ANKFN1: variants seen among roughly 807,000 people sequenced by gnomAD.
ANKFN1 encodes ankyrin repeat and fibronectin type III domain containing 1, also known as ankyrin repeat and fibronectin type-III domain-containing protein 1.
ANKFN1 carries 74 observed loss-of-function variants against 108.7 expected under a neutral mutation model. The observed-to-expected ratio is 0.68, with a 90% CI of 0.56 to 0.83. ANKFN1 has a LOEUF of 0.83. Ranked by LOEUF, ANKFN1 falls within the 40% of genes least tolerant of loss-of-function variation. ANKFN1 has a pLI of 0.00. For synonymous variants in ANKFN1, 547 were observed against 516.2 expected (o/e 1.06, Z -0.81); for missense variants, 1,505 against 1,382.3 (o/e 1.09, Z -1.41).
At chr17:56,381,229 T>C (rs935079195) in intron 8 of ANKFN1, among the ~76,000 whole-genome samples, 11 of 152,220 alleles carry the variant, frequency 7.2e-5, no homozygotes, top group Admixed American at 6.5e-5. Flanking sequence ...CTGAGGGTCC[T>C]GTCTGTTAGA....
At chr17:56,260,139 A>G (rs1463296320) in intron 3 of ANKFN1, among the ~76,000 whole-genome samples, 1 of 152,232 alleles carries the variant, frequency 6.6e-6, no homozygotes, top group Non-Finnish European at 1.5e-5. Flanking sequence ...TTTGGAGGAT[A>G]TTCAGCTTTC....
chr17:56,196,218 T>C (rs1913492874), intron 1 of ANKFN1, among the ~76,000 whole-genome samples: 1 of 152,170 alleles, frequency 6.6e-6, no homozygotes, highest in Non-Finnish European at 1.5e-5. Context: ...ATTGCACCAC[T>C]GTGCTCCAGC....
Position 56,144,183 on chromosome 17 carries a change from A to ACC in ANKFN1, c.289-83734_289-83733insCC, listed in dbSNP as rs60975832. Among the ~76,000 whole-genome samples the ACC allele has an allele frequency of 5.2e-5, 6 of 116,298 alleles. 2 individuals are homozygous for ACC. The South Asian group carries it at 9.1e-4, about 18-fold the overall frequency. The allele number at this position is 116,298 out of a possible 152,430, so 76.3% of individuals were successfully genotyped here. On this transcript the variant is annotated intron_variant, in intron 4 of 12. Coordinates refer to the ANKFN1 transcript ENST00000635860. ...AAAAAAAAAAAAAAAAAAAAAAAAAAAACAGCCCAAACCAAATGAATGCAG... is the reference window on the plus strand; with the variant it reads ...AAAAAAAAAAAAAAAAAAAAAAAAAACCAACAGCCCAAACCAAATGAATGCAG...
At chr17:56,368,156 C>A (rs2046708656) in intron 6 of ANKFN1, 2 of 1,354,812 alleles carry the variant, frequency 1.5e-6, no homozygotes, top group Non-Finnish European at 2.0e-6. Flanking sequence ...ACACCACTGA[C>A]TGATCCAGAG....
At chr17:56,268,665 A>G (rs968475123) in intron 3 of ANKFN1, among the ~76,000 whole-genome samples, 4 of 152,174 alleles carry the variant, frequency 2.6e-5, no homozygotes, top group African/African-American at 7.2e-5. Flanking sequence ...AAGAATAAAT[A>G]AGATTGATAA....
chr17:56,184,134 TCTG>T (rs1210851764), intron 1 of ANKFN1, among the ~76,000 whole-genome samples: 10 of 152,176 alleles, frequency 6.6e-5, no homozygotes, highest in Non-Finnish European at 1.5e-4. Context: ...TGAAAGAAGT[TCTG>T]CTGTGGGTAA....
intron 3 of ANKFN1, among the ~76,000 whole-genome samples, chr17:56,240,372 A>C (rs533167391): frequency 1.3e-5 from 2 of 152,034 alleles, no homozygotes; most frequent in Non-Finnish European, 2.9e-5. Flanking sequence ...TGTGGGTATG[A>C]TTTGCTATTT....
intron 1 of ANKFN1, among the ~76,000 whole-genome samples, chr17:56,173,079 G>A (rs1156914624): frequency 6.6e-6 from 1 of 152,184 alleles, no homozygotes; most frequent in Non-Finnish European, 1.5e-5. Flanking sequence ...CTGACCCTAA[G>A]TAAAATTTGT....
intron 15 of ANKFN1, among the ~76,000 whole-genome samples, chr17:56,476,026 G>A (rs2050486468): frequency 6.6e-6 from 1 of 152,188 alleles, no homozygotes; most frequent in Non-Finnish European, 1.5e-5. Context: ...TACCATGGCA[G>A]AGCGGGAGAA....
At chr17:56,311,654 A>G (rs1020746687) in intron 3 of ANKFN1, among the ~76,000 whole-genome samples, 1 of 152,198 alleles carries the variant, frequency 6.6e-6, no homozygotes, top group African/African-American at 2.4e-5. Context: ...TGATAGTGAT[A>G]CTTTTGCCTT....
chr17:56,269,976 A>G (rs1164855815), intron 3 of ANKFN1, among the ~76,000 whole-genome samples: 3 of 152,230 alleles, frequency 2.0e-5, no homozygotes, highest in African/African-American at 7.2e-5. Context: ...CACTTAACTC[A>G]TCAAGCTCTG....
intron 4 of ANKFN1, among the ~76,000 whole-genome samples, chr17:56,102,110 A>G (rs1194997972): frequency 2.6e-5 from 4 of 152,180 alleles, no homozygotes; most frequent in East Asian, 1.9e-4. Flanking sequence ...AACTCCATAT[A>G]CTAGTGAAGC....
rs537000921 is a variant in ANKFN1, at chr17:56,274,388, G to A, written c.53+46431G>A. Among the ~76,000 whole-genome samples, 3 of 152,256 alleles carry A rather than the reference G, an allele frequency of 2.0e-5. No homozygotes were observed. The South Asian group carries it at 6.2e-4, about 32-fold the overall frequency. On this transcript the variant is annotated intron_variant, in intron 3 of 20. Coordinates refer to ENST00000682825, the MANE Select transcript of ANKFN1 (RefSeq NM_001370326.1). Reference sequence around the variant, plus strand: ...CTCAGGAGGCTGAGGCAGGAGAATGGCGTGAACCCGGGAGGCGGAGCTTGC... The same window carrying A: ...CTCAGGAGGCTGAGGCAGGAGAATGACGTGAACCCGGGAGGCGGAGCTTGC...
intron 4 of ANKFN1, among the ~76,000 whole-genome samples, chr17:56,089,292 A>G (rs181245238): frequency 6.6e-6 from 1 of 151,420 alleles, no homozygotes; most frequent in East Asian, 1.9e-4. Context: ...CCTCTGATGT[A>G]TTTACTAATT....
chr17:56,120,657 C>T (rs183798706), intron 4 of ANKFN1, among the ~76,000 whole-genome samples: 84 of 152,224 alleles, frequency 5.5e-4, no homozygotes, highest in African/African-American at 1.9e-3. Context: ...GAGTAATTTA[C>T]CTTGATAGAG....
intron 2 of ANKFN1, among the ~76,000 whole-genome samples, chr17:56,220,371 C>T (rs999555245): frequency 6.6e-6 from 1 of 152,092 alleles, no homozygotes; most frequent in Admixed American, 6.5e-5. Context: ...AAAGAAATAG[C>T]TTCTGGATGC....
upstream of ANKFN1, among the ~76,000 whole-genome samples, chr17:56,152,739 C>T (rs1255287969): frequency 6.6e-6 from 1 of 152,158 alleles, no homozygotes; most frequent in East Asian, 1.9e-4. Context: ...TCAAACTCTC[C>T]AAACCACTGC....
intron 1 of ANKFN1, among the ~76,000 whole-genome samples, chr17:56,192,106 A>C (rs1912996033): frequency 1.3e-5 from 2 of 151,980 alleles, no homozygotes; most frequent in Admixed American, 1.3e-4. Context: ...GCTTACCTAC[A>C]ACTATCTGAT....
chr17:56,138,102 C>A (rs1249252522), intron 4 of ANKFN1, among the ~76,000 whole-genome samples: 1 of 152,272 alleles, frequency 6.6e-6, no homozygotes, highest in East Asian at 1.9e-4. Context: ...TAGCTAGAAG[C>A]AAGCCCACAT....
Sources: gnomAD v4.1 joint callset for allele counts (sites outside exome capture counted in the v4.1 genomes callset) on GRCh38, gnomAD v4.1.1 for gene constraint, MANE v1.5 for transcripts, NCBI Gene and HGNC (gene_info 2026-07-23, HGNC 2026-07-21) for gene names.